Variants in CREB3L1 observed in about 807,000 individuals in gnomAD.
CREB3L1 encodes cyclic AMP-responsive element-binding protein 3-like protein 1.
CREB3L1 carries 33 observed loss-of-function variants against 54.5 expected under a neutral mutation model. The observed-to-expected ratio is 0.61, with a 90% CI of 0.46 to 0.81. CREB3L1 has a LOEUF of 0.81. CREB3L1 is among the 30% of genes least tolerant of loss of function. CREB3L1 has a pLI of 0.00. For missense variants in CREB3L1, 656 were observed against 673.3 expected (o/e 0.97, Z 0.29); for synonymous variants, 284 against 286.4 (o/e 0.99, Z 0.08).
intron 5 of CREB3L1, among the ~76,000 whole-genome samples, chr11:46,311,735 A>G (rs1351968236): frequency 1.3e-5 from 2 of 152,118 alleles, no homozygotes; most frequent in African/African-American, 4.8e-5. Flanking sequence ...TGACCTCTTG[A>G]TCTGCCCACT....
In CREB3L1 at chr11:46,320,903, G is replaced by T. The variant is rs1320061258; in HGVS notation, c.*157G>T. The T allele has an allele frequency of 3.7e-6, 3 of 804,928 alleles. No homozygotes were observed. The highest frequency in any genetic ancestry group is 5.3e-5 in the East Asian group (2 of 37,678). 49.9% of individuals were successfully genotyped at this position (804,928 alleles called of 1,614,324 possible). On this transcript the variant is annotated 3_prime_UTR_variant, in exon 12 of 12. Transcript: ENST00000621158. The stretch of plus-strand genomic sequence containing the variant: ...CAGCCCTTCCTTGCCCCTGACATTT[G>T]GACTCTTCCCTTGGGCCGACCACTC...
chr11:46,280,683 T>C (rs1318920052), intron 1 of CREB3L1, among the ~76,000 whole-genome samples: 1 of 152,220 alleles, frequency 6.6e-6, no homozygotes, highest in Non-Finnish European at 1.5e-5. Context: ...ATTGCTCAGC[T>C]ACGAGTTGCT....
chr11:46,316,634 C>T (rs1939571500), intron 9 of CREB3L1, among the ~76,000 whole-genome samples: 1 of 151,320 alleles, frequency 6.6e-6, no homozygotes, highest in South Asian at 2.1e-4. Context: ...ACTCCAGTGG[C>T]CCCAGCTAGG....
chr11:46,278,156 C>G lies in CREB3L1; in HGVS notation c.45C>G (p.Pro15=). The G allele has an allele frequency of 7.6e-6, 12 of 1,574,362 alleles. No homozygotes were observed. The highest frequency in any genetic ancestry group is 1.4e-5 in the African/African-American group (1 of 73,936). ...CCTTCCCGGCCGACAGGCTGTTCCCCGGATCCAGCTTCCTGGACTTGGGGG... is the reference window on the plus strand; with the variant it reads ...CCTTCCCGGCCGACAGGCTGTTCCCGGGATCCAGCTTCCTGGACTTGGGGG... The part of the protein sequence containing the change: ...LEPFPADRLF[P]GSSFLDLGDL... The change falls in exon 1 of 12, where the codon CCC becomes CCG. Residue 15 remains proline, a synonymous_variant. Coordinates refer to ENST00000621158, the MANE Select transcript of CREB3L1 (RefSeq NM_052854.4). This position sits in a 1 kb window ranked among gnomAD's most constrained non-coding sequence, Gnocchi z 4.2.
chr11:46,317,328 C>A, intron 9 of CREB3L1, 33 bp from the exon 10 acceptor site: 5 of 1,613,540 alleles, frequency 3.1e-6, no homozygotes, highest in East Asian at 2.2e-5. Flanking sequence ...CCTCCTTACC[C>A]CAGATCTGAT....
At chr11:46,297,885 G>A (rs959876246) in intron 1 of CREB3L1, among the ~76,000 whole-genome samples, 8 of 152,152 alleles carry the variant, frequency 5.3e-5, no homozygotes, top group African/African-American at 1.4e-4. Flanking sequence ...AACAATGATC[G>A]AGCATTCACT....
At chr11:46,312,224 C>T (rs1939496649) in intron 5 of CREB3L1, 101 bp from the exon 6 acceptor site, 2 of 964,668 alleles carry the variant, frequency 2.1e-6, no homozygotes, top group Non-Finnish European at 3.1e-6. Flanking sequence ...AGGCATAGAG[C>T]ATTGTGTGCC....
At chr11:46,320,688 C>T in intron 11 of CREB3L1, 22 bp from the exon 12 acceptor site, 1 of 1,607,606 alleles carries the variant, frequency 6.2e-7, no homozygotes, top group South Asian at 1.1e-5. Context: ...ACAGTCATCG[C>T]TGGCCTCTCT....
At chr11:46,283,950 G>A (rs1939016358) in intron 1 of CREB3L1, among the ~76,000 whole-genome samples, 1 of 152,150 alleles carries the variant, frequency 6.6e-6, no homozygotes, top group South Asian at 2.1e-4. Context: ...CAGGATCCTG[G>A]ACTGGCCATC....
rs1938907695 is a variant in CREB3L1, at chr11:46,278,212, C to A, written c.101C>A (p.Ala34Glu). The A allele has an allele frequency of 6.4e-7, 1 of 1,554,922 alleles. No homozygotes were observed. Among genetic ancestry groups the A allele is most frequent in the African/African-American group, 1.4e-5 (1 of 73,088 alleles). The stretch of plus-strand genomic sequence containing the variant: ...AACGAGTCGGACTTCCTCAACAATG[C>A]GGTAAGATGAAGGGTCTCCGTTCCC... ...DLNESDFLNN[A>E]HFPEHLDHFT... The change falls in exon 1 of 12, where the codon GCG becomes GAG. Residue 34 changes from alanine (A) to glutamate (E), a missense_variant and splice_region_variant. Physicochemically the swap from Ala to Glu is moderately radical, Grantham distance 107 (BLOSUM62 -1). This residue lies in a region of CREB3L1 where 339 missense variants were observed against 331.5 expected (regional missense o/e 1.02). Coordinates refer to ENST00000621158, the MANE Select transcript of CREB3L1 (RefSeq NM_052854.4). This position sits in a 1 kb window ranked among gnomAD's most constrained non-coding sequence, Gnocchi z 4.2.
rs1939646912 is a variant in CREB3L1 at position 46,321,102 on chromosome 11, C to T, written c.*356C>T. ...ACTCACAGACACCCCTTACCCCACC[C>T]CCACTGTACAGAGACCAAGAACAGA... is the stretch of plus-strand genomic sequence containing the variant. On this transcript the variant is annotated 3_prime_UTR_variant, in exon 12 of 12. Transcript: ENST00000621158. 1.3e-5 allele frequency: 7 copies of T among 525,910 alleles called. No homozygotes were observed. The highest frequency in any genetic ancestry group is 1.2e-4 in the South Asian group (6 of 48,724). 32.6% of individuals were successfully genotyped at this position (525,910 alleles called of 1,614,324 possible). A position where few individuals can be genotyped will look rare whatever the true frequency, so the allele number is the denominator to read the frequency against.
rs182177033 is a variant in CREB3L1 at position 46,280,304 on chromosome 11, C to T, written c.102+2091C>T. On this transcript the variant is annotated intron_variant, in intron 1 of 11. Coordinates refer to ENST00000621158, the MANE Select transcript of CREB3L1 (RefSeq NM_052854.4). ...CCGGGTTCACGCCATTCTCCTGTCT[C>T]AGCGTCCCGAGTAGCTGGGACTACA... Among the ~76,000 whole-genome samples, 429 of 151,846 alleles carry T rather than the reference C, an allele frequency of 2.8e-3. 1 individual carries two copies. Among genetic ancestry groups the T allele is most frequent in the African/African-American group, 9.5e-3 (393 of 41,370 alleles).
rs1304303310 is a variant in CREB3L1 at position 46,278,403 on chromosome 11, T to C, written c.102+190T>C. ...CTGGGGGCTCAATCTTTGAATACAC[T>C]GGCCTCCACCTTCTAGGGGGAAGGG... is the stretch of plus-strand genomic sequence containing the variant. On this transcript the variant is annotated intron_variant, in intron 1 of 11. Coordinates refer to ENST00000621158, the MANE Select transcript of CREB3L1 (RefSeq NM_052854.4). This position sits in a 1 kb window ranked among gnomAD's most constrained non-coding sequence, Gnocchi z 4.2. Among the ~76,000 whole-genome samples, 1 of 152,196 alleles carries C rather than the reference T, an allele frequency of 6.6e-6. No homozygotes were observed. Among genetic ancestry groups the C allele is most frequent in the Non-Finnish European group, 1.5e-5 (1 of 68,010 alleles).
intron 5 of CREB3L1, among the ~76,000 whole-genome samples, chr11:46,311,734 G>T (rs1464372386): frequency 6.6e-6 from 1 of 152,118 alleles, no homozygotes; most frequent in African/African-American, 2.4e-5. Context: ...TTGACCTCTT[G>T]ATCTGCCCAC....
chr11:46,292,116 A>C (rs1341001524), intron 1 of CREB3L1, among the ~76,000 whole-genome samples: 1 of 152,182 alleles, frequency 6.6e-6, no homozygotes, highest in Non-Finnish European at 1.5e-5. Flanking sequence ...CACTGAGTGG[A>C]GTCTGTGCTT....
intron 1 of CREB3L1, among the ~76,000 whole-genome samples, chr11:46,281,918 A>C (rs538761758): frequency 2.0e-4 from 30 of 152,076 alleles, no homozygotes; most frequent in African/African-American, 7.0e-4. Context: ...CTAATGAAAA[A>C]CCTACTGGAG....
chr11:46,296,775 T>A (rs559096904), intron 1 of CREB3L1, among the ~76,000 whole-genome samples: 177 of 150,464 alleles, frequency 1.2e-3, no homozygotes, highest in African/African-American at 4.2e-3. Context: ...CGCCCTCCCC[T>A]TCCACTTGGC....
chr11:46,312,503 G>C, intron 6 of CREB3L1, 29 bp downstream of exon 6: 1 of 1,610,762 alleles, frequency 6.2e-7, no homozygotes, highest in Non-Finnish European at 8.5e-7. Flanking sequence ...GGGCTTCAGA[G>C]GGCTTCCTTG....
At chr11:46,313,801 G>A (rs1181969760) in intron 8 of CREB3L1, among the ~76,000 whole-genome samples, 1 of 152,254 alleles carries the variant, frequency 6.6e-6, no homozygotes, top group Non-Finnish European at 1.5e-5. Context: ...TATAGAGACA[G>A]CAGGACAGTG....
Sources: allele counts gnomAD v4.1 joint callset (sites outside exome capture counted in the v4.1 genomes callset), GRCh38; gene constraint gnomAD v4.1.1; regional missense constraint gnomAD v4.1.1; non-coding constraint Gnocchi (gnomAD v3.1); transcripts MANE v1.5; gene names NCBI Gene and HGNC (gene_info 2026-07-23, HGNC 2026-07-21).